IL7: variants seen among roughly 807,000 people sequenced by gnomAD.
IL7 encodes interleukin 7.
A neutral mutation model predicts 21.6 loss-of-function variants in IL7; 3 were observed. That is an observed-to-expected ratio of 0.14 (90% CI 0.06 to 0.36). The LOEUF (loss-of-function observed/expected upper bound fraction) is 0.36, where lower values mean the gene tolerates loss of function less well. IL7 is among the 10% of genes least tolerant of loss of function. IL7 has a pLI of 1.00. For synonymous variants in IL7, 62 were observed against 68.1 expected (o/e 0.91, Z 0.44); for missense variants, 175 against 200.2 (o/e 0.87, Z 0.76).
chr8:78,735,276 C>A (rs113275955), intron 5 of IL7, among the ~76,000 whole-genome samples: 2 of 78,482 alleles, frequency 2.5e-5, no homozygotes, highest in Admixed American at 1.5e-4. Context: ...CTTTTCTTTT[C>A]TTTTTTTTTT....
chr8:78,717,138 TATA>T (rs1336232477), downstream of IL7, among the ~76,000 whole-genome samples: 17 of 152,184 alleles, frequency 1.1e-4, no homozygotes, highest in African/African-American at 3.9e-4. Flanking sequence ...CACAGATAAA[TATA>T]ATGTTAAAAA....
At chr8:78,717,369 T>C (rs757598027), downstream of IL7, 1 of 1,613,500 alleles carries the variant, frequency 6.2e-7, no homozygotes, top group Non-Finnish European at 8.5e-7. Context: ...GGTGGAAATA[T>C]TAAAGGCATT....
Position 78,733,295 on chromosome 8 carries a change from A to G in IL7, c.*418T>C, listed in dbSNP as rs1811471282. On this transcript the variant is annotated 3_prime_UTR_variant, in exon 6 of 6. Transcript: ENST00000263851. ...CAATTTTCACTCTTAATACAGTATA[A>G]TAGATTCATAGTGAGCCATAAAATT... The G allele has an allele frequency of 1.2e-5, 2 of 168,782 alleles. No individual in the cohort carries two copies. Among genetic ancestry groups the G allele is most frequent in the South Asian group, 1.5e-4 (1 of 6,576 alleles). 10.5% of individuals were successfully genotyped at this position (168,782 alleles called of 1,614,324 possible). A position where few individuals can be genotyped will look rare whatever the true frequency, so the allele number is the denominator to read the frequency against.
At chr8:78,755,316 T>C (rs528154322) in intron 2 of IL7, among the ~76,000 whole-genome samples, 3 of 152,262 alleles carry the variant, frequency 2.0e-5, no homozygotes, top group African/African-American at 7.2e-5. Context: ...TCAAGTCCTT[T>C]GTATTTCCAT....
At chr8:78,693,674 C>G (rs1394866891) in intron 3 of IL7, among the ~76,000 whole-genome samples, 1 of 152,086 alleles carries the variant, frequency 6.6e-6, no homozygotes, top group African/African-American at 2.4e-5. Flanking sequence ...TTCTCCCATT[C>G]TGTAGGTTGC....
intron 3 of IL7, among the ~76,000 whole-genome samples, chr8:78,699,180 G>C (rs1025299862): frequency 1.3e-5 from 2 of 152,148 alleles, no homozygotes; most frequent in African/African-American, 4.8e-5. Flanking sequence ...GATAGAAGCA[G>C]TGGGGTGATT....
At chr8:78,686,607 T>C in intron 3 of IL7, 1 of 1,489,204 alleles carries the variant, frequency 6.7e-7, no homozygotes, top group Non-Finnish European at 8.9e-7. Context: ...CTTATGATCC[T>C]GGTATTTGGA....
chr8:78,770,243 T>G (rs1399388624), intron 2 of IL7, among the ~76,000 whole-genome samples: 3 of 152,150 alleles, frequency 2.0e-5, no homozygotes, highest in Non-Finnish European at 4.4e-5. Flanking sequence ...ATCTGTGTCT[T>G]TATTATTCTT....
downstream of IL7, among the ~76,000 whole-genome samples, chr8:78,713,188 T>C (rs1378832697): frequency 1.3e-5 from 2 of 152,168 alleles, no homozygotes; most frequent in African/African-American, 4.8e-5. Flanking sequence ...GTAAGAGTAA[T>C]GCTTTGCAGA....
chr8:78,802,077 A>G lies in IL7; in HGVS notation c.10+2836T>C, dbSNP rs1814082733. 2.6e-5 allele frequency among the ~76,000 whole-genome samples: 4 copies of G among 152,354 alleles called. No homozygotes were observed. In the South Asian group the frequency reaches 8.3e-4, roughly 32 times the overall value. On this transcript the variant is annotated intron_variant, in intron 1 of 5. Coordinates refer to ENST00000263851, the MANE Select transcript of IL7 (RefSeq NM_000880.4). ...CCTTACTTCCCCTGAAGAGGCTGAA[A>G]TTGGAGAATTTGTTTTCAGTAGGGA...
Position 78,733,126 on chromosome 8 carries a change from A to G in IL7, c.*587T>C, listed in dbSNP as rs1811465265. ...GAAGGCACTGTGTTACACATTCATG[A>G]TTAATTAAATCTCTTGAAATCTCTT... On this transcript the variant is annotated 3_prime_UTR_variant, in exon 6 of 6. Transcript: ENST00000263851. 1 of 152,028 alleles carries G rather than the reference A, an allele frequency of 6.6e-6. No individual in the cohort carries two copies. Among genetic ancestry groups the G allele is most frequent in the African/African-American group, 2.4e-5 (1 of 41,406 alleles). 9.4% of individuals were successfully genotyped at this position (152,028 alleles called of 1,614,324 possible). A position where few individuals can be genotyped will look rare whatever the true frequency, so the allele number is the denominator to read the frequency against.
intron 4 of IL7, chr8:78,678,540 G>C (rs1262310413): frequency 6.4e-7 from 1 of 1,557,760 alleles, no homozygotes; most frequent in Non-Finnish European, 8.7e-7. Flanking sequence ...AAAATGATAG[G>C]CTGCATTTCT....
intron 3 of IL7, chr8:78,698,341 TC>T: frequency 8.1e-7 from 1 of 1,231,726 alleles, no homozygotes; most frequent in Non-Finnish European, 1.1e-6. Context: ...AAGCATTGTT[TC>T]CTTTGTTAGA....
intron 2 of IL7, among the ~76,000 whole-genome samples, chr8:78,752,353 T>A (rs899765178): frequency 2.0e-5 from 3 of 152,224 alleles, no homozygotes; most frequent in African/African-American, 7.2e-5. Flanking sequence ...AACTTCATAC[T>A]GTTTTCAATA....
chr8:78,696,274 T>C (rs1038848476), intron 3 of IL7, among the ~76,000 whole-genome samples: 37 of 152,274 alleles, frequency 2.4e-4, no homozygotes, highest in African/African-American at 8.7e-4. Context: ...GACCTTGTGA[T>C]CCACCTGCCT....
intron 3 of IL7, chr8:78,712,100 T>C (rs983019128): frequency 7.8e-7 from 1 of 1,283,352 alleles, no homozygotes; most frequent in Non-Finnish European, 1.0e-6. Context: ...TTATTACCTA[T>C]TTACAAGTAA....
At chr8:78,698,093 C>T (rs1040919793) in intron 3 of IL7, among the ~76,000 whole-genome samples, 3 of 152,110 alleles carry the variant, frequency 2.0e-5, no homozygotes, top group Non-Finnish European at 2.9e-5. Flanking sequence ...CAGCATTTTC[C>T]TCTCATTTTA....
chr8:78,689,410 A>G, intron 3 of IL7: 1 of 1,517,614 alleles, frequency 6.6e-7, no homozygotes, highest in Non-Finnish European at 8.8e-7. Context: ...AAACGAGAAA[A>G]TGGCTCATGG....
rs188421694 is a variant in IL7, at chr8:78,737,374, A to G, written c.361-847T>C. On this transcript the variant is annotated intron_variant, in intron 4 of 5. Coordinates refer to ENST00000263851, the MANE Select transcript of IL7 (RefSeq NM_000880.4). ...TACTTTGAAACCGCTGTTAAGTAGG[A>G]ATGAAGAAATGGTAGACTAGAGTAG... Among the ~76,000 whole-genome samples the G allele has an allele frequency of 2.4e-3, 365 of 152,258 alleles. 2 individuals carry two copies. Among genetic ancestry groups the G allele is most frequent in the African/African-American group, 8.2e-3 (340 of 41,566 alleles).
Sources: gnomAD v4.1 joint callset for allele counts (sites outside exome capture counted in the v4.1 genomes callset) on GRCh38, gnomAD v4.1.1 for gene constraint, MANE v1.5 for transcripts, NCBI Gene and HGNC (gene_info 2026-07-23, HGNC 2026-07-21) for gene names.